The following CCDC85A variants were observed in gnomAD, a reference collection of about 807,000 sequenced individuals.
CCDC85A encodes coiled-coil domain-containing protein 85A.
CCDC85A carries 38 observed loss-of-function variants against 50.2 expected under a neutral mutation model. The ratio of observed to expected loss-of-function variants is 0.76; its 90% CI spans 0.58 to 0.99. The LOEUF (loss-of-function observed/expected upper bound fraction) is 0.99, where lower values mean the gene tolerates loss of function less well. Ranked by LOEUF, CCDC85A falls within the 50% of genes least tolerant of loss-of-function variation. The probability of loss-of-function intolerance (pLI) is 0.00; values close to 1 mark genes in which losing one functional copy is unlikely to be tolerated. For synonymous variants in CCDC85A, 366 were observed against 301.4 expected (o/e 1.21, Z -2.22); for missense variants, 820 against 742.0 (o/e 1.11, Z -1.22).
intron 2 of CCDC85A, among the ~76,000 whole-genome samples, chr2:56,333,441 G>C (rs2104298682): frequency 6.6e-6 from 1 of 152,310 alleles, no homozygotes; most frequent in Non-Finnish European, 1.5e-5. Flanking sequence ...AGGGCATGAA[G>C]TCAGAGAGAA....
chr2:56,384,345 G>T lies in CCDC85A; in HGVS notation c.1652G>T (p.Gly551Val). The change falls in exon 6 of 6, where the codon GGA (glycine) becomes GTA (valine). Residue 551 changes from glycine (G) to valine (V), a missense_variant. Transcript: ENST00000407595. ...CATTTGTCAGGAAACCAGTACAAAG[G>T]ACCAATGTGAGATGCACTCTTTTTC... ...RQHLSGNQYK[G>V]PM is the part of the protein sequence containing the mutation. 6.2e-7 allele frequency: 1 copy of T among 1,610,858 alleles called. No homozygotes were observed. Among genetic ancestry groups the T allele is most frequent in the Non-Finnish European group, 8.5e-7 (1 of 1,177,866 alleles).
chr2:56,341,010 C>G (rs1327949573), intron 2 of CCDC85A, among the ~76,000 whole-genome samples: 1 of 151,118 alleles, frequency 6.6e-6, no homozygotes, highest in African/African-American at 2.4e-5. Context: ...GGGTTTTATA[C>G]ATTGGCGTAC....
At chr2:56,313,912 C>T (rs183814412) in intron 2 of CCDC85A, among the ~76,000 whole-genome samples, 1 of 148,984 alleles carries the variant, frequency 6.7e-6, no homozygotes, top group Non-Finnish European at 1.5e-5. Context: ...CTGGCCTGTT[C>T]AGGGAGCATG....
At chr2:56,383,105 G>A (rs538317637) in intron 5 of CCDC85A, among the ~76,000 whole-genome samples, 5 of 152,030 alleles carry the variant, frequency 3.3e-5, no homozygotes, top group East Asian at 1.9e-4. Flanking sequence ...TTTATGCCAT[G>A]TATTGGTATA....
chr2:56,296,838 A>C (rs2104170103), intron 2 of CCDC85A, among the ~76,000 whole-genome samples: 1 of 152,314 alleles, frequency 6.6e-6, no homozygotes, highest in South Asian at 2.1e-4. Flanking sequence ...TTGCTTATTT[A>C]AAATAGGCCA....
chr2:56,363,345 C>T (rs1675630215), intron 3 of CCDC85A, among the ~76,000 whole-genome samples: 3 of 152,182 alleles, frequency 2.0e-5, no homozygotes, highest in African/African-American at 4.8e-5. Context: ...TGGCTACTCT[C>T]GTTTCTGTAA....
At chr2:56,273,678 G>T (rs1287913643) in intron 2 of CCDC85A, among the ~76,000 whole-genome samples, 1 of 134,186 alleles carries the variant, frequency 7.5e-6, no homozygotes, top group African/African-American at 2.8e-5. Context: ...AGGAGAACAT[G>T]GGTTTCAGAA....
At chr2:56,321,154 G>A (rs1226078626) in intron 2 of CCDC85A, among the ~76,000 whole-genome samples, 1 of 152,064 alleles carries the variant, frequency 6.6e-6, no homozygotes. Context: ...AATAAGAAGA[G>A]CTATTTATGA....
chr2:56,325,721 C>G (rs983245990), intron 2 of CCDC85A, among the ~76,000 whole-genome samples: 2 of 152,064 alleles, frequency 1.3e-5, no homozygotes, highest in Non-Finnish European at 2.9e-5. Flanking sequence ...TGTCTTCTGT[C>G]TACCTCTGAG....
At chr2:56,279,398 A>G (rs1260277720) in intron 2 of CCDC85A, among the ~76,000 whole-genome samples, 2 of 151,964 alleles carry the variant, frequency 1.3e-5, no homozygotes, top group Non-Finnish European at 2.9e-5. Context: ...CTCCATAACC[A>G]TTAATAGTCA....
rs551147492 is a variant in CCDC85A, at chr2:56,227,531, C to T, written c.1240+34091C>T. ...AATTGGTTTTTGTCCTTTCGGGCTA[C>T]GTAGATGGCATGTCTGGATCTCAGG... On this transcript the variant is annotated intron_variant, in intron 2 of 5. Coordinates refer to ENST00000407595, the MANE Select transcript of CCDC85A (RefSeq NM_001080433.2). 2.6e-5 allele frequency among the ~76,000 whole-genome samples: 4 copies of T among 152,212 alleles called. No homozygotes were observed. The East Asian group carries it at 7.7e-4, about 29-fold the overall frequency.
upstream of CCDC85A, chr2:56,183,978 C>T: frequency 1.0e-6 from 1 of 985,754 alleles, no homozygotes; most frequent in Non-Finnish European, 1.2e-6. Context: ...GCCGGTCCCC[C>T]ACCCTCCACC....
intron 2 of CCDC85A, among the ~76,000 whole-genome samples, chr2:56,330,813 G>A (rs937941162): frequency 6.6e-6 from 1 of 152,124 alleles, no homozygotes; most frequent in Non-Finnish European, 1.5e-5. Flanking sequence ...AAGTTGTATA[G>A]AAATTTCCCA....
At chr2:56,267,889 C>A (rs1670523021) in intron 2 of CCDC85A, among the ~76,000 whole-genome samples, 1 of 152,142 alleles carries the variant, frequency 6.6e-6, no homozygotes, top group African/African-American at 2.4e-5. Context: ...TGGTGTTAGA[C>A]CTCATTATGT....
chr2:56,343,012 A>G (rs1375132888), intron 3 of CCDC85A, 57 bp downstream of exon 3: 1 of 1,211,762 alleles, frequency 8.3e-7, no homozygotes, highest in Non-Finnish European at 1.2e-6. Context: ...GTAGTATTTT[A>G]TTTGGAATTT....
intron 2 of CCDC85A, among the ~76,000 whole-genome samples, chr2:56,297,819 C>T (rs1672023923): frequency 6.6e-6 from 1 of 152,118 alleles, no homozygotes; most frequent in South Asian, 2.1e-4. Flanking sequence ...GCCATTTGGC[C>T]AAAGTGGGTG....
At chr2:56,260,022 A>G (rs1573119235) in intron 2 of CCDC85A, among the ~76,000 whole-genome samples, 1 of 152,208 alleles carries the variant, frequency 6.6e-6, no homozygotes, top group Non-Finnish European at 1.5e-5. Flanking sequence ...GGGGGATTTA[A>G]TCAAGGTACT....
chr2:56,350,337 G>A (rs748174022), intron 3 of CCDC85A, among the ~76,000 whole-genome samples: 5 of 151,996 alleles, frequency 3.3e-5, no homozygotes, highest in Non-Finnish European at 5.9e-5. Context: ...TTGGGAGGCC[G>A]AGGTGGGCGG....
intron 2 of CCDC85A, among the ~76,000 whole-genome samples, chr2:56,341,196 A>G (rs1674351409): frequency 1.3e-5 from 2 of 152,202 alleles, no homozygotes; most frequent in African/African-American, 2.4e-5. Context: ...GAGGAAGATC[A>G]TATACCAATT....
Sources: gnomAD v4.1 joint callset for allele counts (sites outside exome capture counted in the v4.1 genomes callset) on GRCh38, gnomAD v4.1.1 for gene constraint, MANE v1.5 for transcripts, NCBI Gene and HGNC (gene_info 2026-07-23, HGNC 2026-07-21) for gene names.